FSTL5: variants seen among roughly 807,000 people sequenced by gnomAD.
The protein encoded by FSTL5 is follistatin like 5.
In FSTL5, 62 loss-of-function variants were observed where a neutral mutation model predicts 89.1. The ratio of observed to expected loss-of-function variants is 0.70; its 90% confidence interval spans 0.57 to 0.86. The LOEUF (loss-of-function observed/expected upper bound fraction) is 0.86. Among genes scored for constraint, FSTL5 ranks in the 40% least tolerant of loss-of-function variants. FSTL5 has a pLI of 0.00. For missense variants in FSTL5, 1,057 were observed against 1,001.6 expected, an observed-to-expected ratio of 1.06 and a Z score of -0.75; for synonymous variants, 383 against 346.2, an observed-to-expected ratio of 1.11 and a Z score of -1.18.
Position 161,408,791 on chromosome 4 carries a change from T to C in FSTL5, c.1842-22342A>G, listed in dbSNP as rs4352427. The stretch of plus-strand genomic sequence containing the variant: ...AAGAATTGTATAATACAATCAGAAG[T>C]ATTAGCAGCGGAAGTTGAGGAAAGA... On this transcript the variant is annotated intron_variant, in intron 15 of 15. Transcript: ENST00000306100. Among the ~76,000 whole-genome samples, 359 of 152,270 alleles carry C rather than the reference T, an allele frequency of 2.4e-3. 12 individuals are homozygous for C. In the East Asian group the frequency reaches 0.061, roughly 26 times the overall value.
chr4:161,845,565 A>G (rs138478680), intron 4 of FSTL5, among the ~76,000 whole-genome samples: 20 of 152,356 alleles, frequency 1.3e-4, no homozygotes, highest in African/African-American at 3.8e-4. Flanking sequence ...CTCTGAATAC[A>G]TTGGAAACTT....
At chr4:161,965,311 G>A (rs1467712959) in intron 3 of FSTL5, among the ~76,000 whole-genome samples, 1 of 151,992 alleles carries the variant, frequency 6.6e-6, no homozygotes, top group Non-Finnish European at 1.5e-5. Flanking sequence ...TACATCTTAT[G>A]GACATGTATC....
intron 8 of FSTL5, 145 bp downstream of exon 8, chr4:161,587,310 C>A: frequency 7.8e-6 from 4 of 514,920 alleles, no homozygotes; most frequent in African/African-American, 2.0e-5. Flanking sequence ...TTTTTTTTTA[C>A]TTAAAAAACT....
At chr4:161,751,678 G>A (rs546177302) in intron 6 of FSTL5, among the ~76,000 whole-genome samples, 3 of 151,986 alleles carry the variant, frequency 2.0e-5, no homozygotes, top group Non-Finnish European at 4.4e-5. Context: ...CTACTTCGGA[G>A]GGTGAAATGG....
At chr4:161,873,146 G>A (rs376816288) in intron 4 of FSTL5, among the ~76,000 whole-genome samples, 10 of 152,238 alleles carry the variant, frequency 6.6e-5, no homozygotes, top group African/African-American at 2.4e-4. Flanking sequence ...ATCCTAAGAA[G>A]CAAGGAGTGT....
intron 4 of FSTL5, among the ~76,000 whole-genome samples, chr4:161,798,350 A>G (rs1218391336): frequency 6.6e-6 from 1 of 151,706 alleles, no homozygotes; most frequent in African/African-American, 2.4e-5. Context: ...ATAACTAAAA[A>G]ATGTAGAAAG....
intron 13 of FSTL5, among the ~76,000 whole-genome samples, chr4:161,476,472 C>A (rs1734155016): frequency 6.6e-6 from 1 of 152,076 alleles, no homozygotes; most frequent in Non-Finnish European, 1.5e-5. Flanking sequence ...CAGGCGTGAG[C>A]CATATATACA....
At chr4:162,163,437 G>GTAATAATAA (rs34283366) in intron 1 of FSTL5, among the ~76,000 whole-genome samples, 178 bp downstream of exon 1, 14,160 of 140,538 alleles carry the variant, frequency 0.1, 730 homozygotes, top group Middle Eastern at 0.19. Flanking sequence ...AGATTGTCTT[G>GTAATAATAA]TAATAATAAT....
intron 7 of FSTL5, among the ~76,000 whole-genome samples, chr4:161,599,037 T>C (rs1734138781): frequency 6.6e-6 from 1 of 151,810 alleles, no homozygotes; most frequent in Non-Finnish European, 1.5e-5. Flanking sequence ...AAATACATTA[T>C]CAAAACAGTG....
rs982155234 is a variant in FSTL5 at position 161,898,421 on chromosome 4, A to G, written c.409+21983T>C. ...TCAGTTGTGTGAAAACTGGAAGGAA[A>G]AATGATATGGTAAGATTACGCTTAG... On this transcript the variant is annotated intron_variant, in intron 4 of 15. Transcript: ENST00000306100. 5.9e-5 allele frequency among the ~76,000 whole-genome samples: 9 copies of G among 151,920 alleles called. No individual in the cohort carries two copies. In the East Asian group the frequency reaches 1.7e-3, roughly 29 times the overall value.
At chr4:161,882,983 G>A (rs952624356) in intron 4 of FSTL5, among the ~76,000 whole-genome samples, 2 of 152,088 alleles carry the variant, frequency 1.3e-5, no homozygotes, top group African/African-American at 2.4e-5. Context: ...ATCTCATTGG[G>A]ATCAATAGTG....
At chr4:161,994,782 C>T (rs1168501760) in intron 3 of FSTL5, among the ~76,000 whole-genome samples, 2 of 152,046 alleles carry the variant, frequency 1.3e-5, no homozygotes, top group African/African-American at 2.4e-5. Context: ...GGATATTAGA[C>T]CTTTGTCAGA....
intron 4 of FSTL5, among the ~76,000 whole-genome samples, chr4:161,840,318 G>T (rs1343451547): frequency 6.6e-6 from 1 of 152,062 alleles, no homozygotes; most frequent in Non-Finnish European, 1.5e-5. Flanking sequence ...AAAATGAGAA[G>T]AAGAGAGAAA....
At chr4:161,665,362 C>T (rs917611924) in intron 6 of FSTL5, among the ~76,000 whole-genome samples, 137 of 152,234 alleles carry the variant, frequency 9.0e-4, no homozygotes, top group African/African-American at 3.2e-3. Flanking sequence ...CTCCCTCAGC[C>T]TCCCCAGACT....
chr4:161,960,742 C>T (rs979249909), intron 3 of FSTL5, among the ~76,000 whole-genome samples: 17 of 151,810 alleles, frequency 1.1e-4, no homozygotes, highest in Admixed American at 2.0e-4. Context: ...GAAGTGAAAA[C>T]TTTTAAGCTG....
intron 4 of FSTL5, among the ~76,000 whole-genome samples, chr4:161,870,543 T>C (rs1732232847): frequency 1.3e-5 from 2 of 152,156 alleles, no homozygotes; most frequent in Admixed American, 1.3e-4. Context: ...TATTTTTCTA[T>C]TTGGCAATGT....
intron 4 of FSTL5, among the ~76,000 whole-genome samples, chr4:161,847,660 T>C (rs1422821410): frequency 6.6e-6 from 1 of 152,146 alleles, no homozygotes; most frequent in East Asian, 1.9e-4. Flanking sequence ...ATAAAATAAC[T>C]TCCAAGTTTA....
chr4:161,527,590 A>G (rs1157760076), intron 10 of FSTL5, among the ~76,000 whole-genome samples: 2 of 152,098 alleles, frequency 1.3e-5, no homozygotes, highest in African/African-American at 4.8e-5. Context: ...CAAAACCACA[A>G]TGAGATACCA....
intron 13 of FSTL5, among the ~76,000 whole-genome samples, chr4:161,472,167 C>CA (rs1733967899): frequency 1.3e-5 from 2 of 152,076 alleles, no homozygotes; most frequent in African/African-American, 4.8e-5. Flanking sequence ...TTAATAGAGA[C>CA]AGAGTTTCAC....
Sources: allele counts gnomAD v4.1 joint callset (sites outside exome capture counted in the v4.1 genomes callset), GRCh38; gene constraint gnomAD v4.1.1; transcripts MANE v1.5; gene names NCBI Gene and HGNC (gene_info 2026-07-23, HGNC 2026-07-21).